PIK3C2G: variants seen among roughly 807,000 people sequenced by gnomAD.
The protein encoded by PIK3C2G is phosphatidylinositol 3-kinase C2 domain-containing subunit gamma.
In PIK3C2G, 168 loss-of-function variants were observed where a neutral mutation model predicts 181.1. The ratio of observed to expected loss-of-function variants is 0.93; its 90% CI spans 0.82 to 1.05. The LOEUF (loss-of-function observed/expected upper bound fraction) is 1.05. Among genes scored for constraint, PIK3C2G ranks in the 50% least tolerant of loss-of-function variants. The pLI is 0.00. For synonymous variants in PIK3C2G, 573 were observed against 592.2 expected (o/e 0.97, Z 0.47); for missense variants, 1,869 against 1,732.8 (o/e 1.08, Z -1.40).
upstream of PIK3C2G, among the ~76,000 whole-genome samples, chr12:18,256,716 T>A (rs1351988446): frequency 2.6e-5 from 4 of 152,172 alleles, no homozygotes; most frequent in Admixed American, 6.5e-5. Context: ...GACAGTTTTA[T>A]GAAATGCTTT....
intron 31 of PIK3C2G, among the ~76,000 whole-genome samples, chr12:18,625,423 T>C (rs904080903): frequency 6.6e-6 from 1 of 151,782 alleles, no homozygotes. Flanking sequence ...TTTCTAAGAC[T>C]TTTATTACGG....
chr12:18,677,946 G>C, the PIK3C2G span, among the ~76,000 whole-genome samples: 1 of 152,064 alleles, frequency 6.6e-6, no homozygotes, highest in African/African-American at 2.4e-5. Context: ...GTTTGTGTGT[G>C]TGGATGCACA....
chr12:18,336,302 TA>T (rs1938525398), intron 8 of PIK3C2G, among the ~76,000 whole-genome samples: 1 of 152,106 alleles, frequency 6.6e-6, no homozygotes, highest in South Asian at 2.1e-4. Flanking sequence ...TGGCCACAGG[TA>T]GAAAGGGGCA....
At chr12:18,710,778 A>G in the PIK3C2G span, among the ~76,000 whole-genome samples, 4 of 152,180 alleles carry the variant, frequency 2.6e-5, no homozygotes, top group South Asian at 2.1e-4. Flanking sequence ...AAAACACATG[A>G]AAAAATGCTC....
chr12:18,514,903 G>A (rs766462108), intron 24 of PIK3C2G, among the ~76,000 whole-genome samples: 1 of 151,648 alleles, frequency 6.6e-6, no homozygotes, highest in Non-Finnish European at 1.5e-5. Flanking sequence ...ACTTTATAAT[G>A]AGTATTTTCC....
chr12:18,716,373 A>C, the PIK3C2G span, among the ~76,000 whole-genome samples: 3 of 152,158 alleles, frequency 2.0e-5, no homozygotes, highest in African/African-American at 7.2e-5. Flanking sequence ...ACAAAACTGC[A>C]TATTCAGACT....
chr12:18,249,886 A>G (rs1200200258), intron 1 of PIK3C2G, among the ~76,000 whole-genome samples: 1 of 151,818 alleles, frequency 6.6e-6, no homozygotes, highest in East Asian at 1.9e-4. Context: ...ACCCATCTTA[A>G]CTCGAATAAG....
chr12:18,514,398 T>C (rs1942401592), intron 24 of PIK3C2G, among the ~76,000 whole-genome samples: 1 of 151,910 alleles, frequency 6.6e-6, no homozygotes, highest in African/African-American at 2.4e-5. Flanking sequence ...ACACAGGGTC[T>C]TTCTATTGTT....
intron 31 of PIK3C2G, among the ~76,000 whole-genome samples, chr12:18,625,131 T>TTTGTTCTTATTTGATATTGGCATTTA (rs1278499319): frequency 1.3e-5 from 2 of 151,778 alleles, no homozygotes; most frequent in Non-Finnish European, 3.0e-5. Context: ...ATTTGCAAGT[T>TTTGTTCTTATTTGATATTGGCATTTA]TTGTTCTTAT....
intron 18 of PIK3C2G, among the ~76,000 whole-genome samples, chr12:18,442,089 G>A (rs1211461773): frequency 3.3e-5 from 5 of 152,120 alleles, no homozygotes; most frequent in Admixed American, 3.3e-4. Context: ...CAGCATTTAT[G>A]ATCTGCACTA....
At chr12:18,482,696 A>G (rs1337276720) in intron 18 of PIK3C2G, among the ~76,000 whole-genome samples, 5 of 152,142 alleles carry the variant, frequency 3.3e-5, no homozygotes, top group Admixed American at 2.6e-4. Flanking sequence ...ACTCTCTTTC[A>G]GAGCAGAAGT....
chr12:18,458,257 G>C (rs531483285), intron 18 of PIK3C2G, among the ~76,000 whole-genome samples: 130 of 152,230 alleles, frequency 8.5e-4, no homozygotes, highest in Admixed American at 2.0e-3. Context: ...AGGGAAGAAA[G>C]AAATGTTAGT....
chr12:18,388,729 C>CTGT (rs1486371232), intron 14 of PIK3C2G, among the ~76,000 whole-genome samples: 2 of 152,190 alleles, frequency 1.3e-5, no homozygotes, highest in African/African-American at 4.8e-5. Context: ...CTCCCGTGAG[C>CTGT]AGTGCCAAGT....
intron 2 of PIK3C2G, chr12:18,285,236 GAAAAT>G (rs1284321221): frequency 2.0e-5 from 3 of 151,908 alleles, no homozygotes; most frequent in Non-Finnish European, 4.4e-5. Flanking sequence ...TTCTTTAAAA[GAAAAT>G]AAAACATACT....
chr12:18,644,482 A>AGGTGTAAAG (rs1463994590), intron 32 of PIK3C2G, among the ~76,000 whole-genome samples: 2 of 152,154 alleles, frequency 1.3e-5, no homozygotes, highest in African/African-American at 4.8e-5. Flanking sequence ...TTCTGTTGTA[A>AGGTGTAAAG]GGTGTAAAGG....
chr12:18,268,622 A>G (rs17408904), intron 1 of PIK3C2G, among the ~76,000 whole-genome samples: 12,147 of 152,140 alleles, frequency 0.08, 656 homozygotes, highest in South Asian at 0.12. Flanking sequence ...TGTGCCTCCT[A>G]TGCAGTGAAT....
chr12:18,448,544 C>T (rs914180672), intron 18 of PIK3C2G, among the ~76,000 whole-genome samples: 4 of 152,030 alleles, frequency 2.6e-5, no homozygotes, highest in Non-Finnish European at 5.9e-5. Flanking sequence ...CCTACATTGC[C>T]CCATTTCCTC....
the PIK3C2G span, among the ~76,000 whole-genome samples, chr12:18,726,613 A>G: frequency 6.6e-6 from 1 of 152,158 alleles, no homozygotes; most frequent in African/African-American, 2.4e-5. Context: ...CACTTTCAGA[A>G]ACAGAATGAA....
chr12:18,366,474 G>C (rs1033404626), intron 12 of PIK3C2G, among the ~76,000 whole-genome samples: 4 of 152,132 alleles, frequency 2.6e-5, no homozygotes, highest in Non-Finnish European at 1.5e-5. Flanking sequence ...AGGTTGCAAT[G>C]AGCCGAGATT....
Sources: gnomAD v4.1 joint callset for allele counts (sites outside exome capture counted in the v4.1 genomes callset) on GRCh38, gnomAD v4.1.1 for gene constraint, MANE v1.5 for transcripts, NCBI Gene and HGNC (gene_info 2026-07-23, HGNC 2026-07-21) for gene names.